MKLN1: variants seen among roughly 807,000 people sequenced by gnomAD.
MKLN1 encodes muskelin 1, also known as muskelin.
A neutral mutation model predicts 99.0 loss-of-function variants in MKLN1; 18 were observed. The observed-to-expected ratio is 0.18, with a 90% CI of 0.13 to 0.27. The LOEUF (loss-of-function observed/expected upper bound fraction) is 0.27, where lower values mean the gene tolerates loss of function less well. Ranked by LOEUF, MKLN1 falls within the 10% of genes least tolerant of loss-of-function variation. The pLI is 1.00. For missense variants in MKLN1, 621 were observed against 875.9 expected (o/e 0.71, Z 3.67); for synonymous variants, 288 against 293.2 (o/e 0.98, Z 0.18).
intron 4 of MKLN1, among the ~76,000 whole-genome samples, chr7:131,396,139 G>A (rs902156358): frequency 6.6e-6 from 1 of 151,892 alleles, no homozygotes; most frequent in African/African-American, 2.4e-5. Context: ...GTGGTGTCAT[G>A]GCAGCTCACT....
chr7:131,277,653 C>T (rs1405732967), intron 3 of MKLN1, among the ~76,000 whole-genome samples: 1 of 152,078 alleles, frequency 6.6e-6, no homozygotes, highest in Non-Finnish European at 1.5e-5. Flanking sequence ...TGACCTCAAG[C>T]GATCCACCCA....
At chr7:131,373,078 A>T (rs1793518635) in intron 1 of MKLN1, among the ~76,000 whole-genome samples, 1 of 151,982 alleles carries the variant, frequency 6.6e-6, no homozygotes, top group Non-Finnish European at 1.5e-5. Flanking sequence ...TATTTAAAGG[A>T]TGTACATATT....
At chr7:131,184,185 T>A (rs1796415705) in intron 2 of MKLN1, among the ~76,000 whole-genome samples, 1 of 152,092 alleles carries the variant, frequency 6.6e-6, no homozygotes, top group African/African-American at 2.4e-5. Context: ...TTCACAGGCA[T>A]GATCACAGGC....
chr7:131,164,733 T>C (rs1434305224), intron 2 of MKLN1, among the ~76,000 whole-genome samples: 3 of 152,174 alleles, frequency 2.0e-5, no homozygotes, highest in African/African-American at 7.2e-5. Context: ...TCAGATGAGA[T>C]GACAATGAAT....
At chr7:131,330,445 A>C (rs1799038244) in intron 1 of MKLN1, among the ~76,000 whole-genome samples, 1 of 152,178 alleles carries the variant, frequency 6.6e-6, no homozygotes, top group African/African-American at 2.4e-5. Flanking sequence ...AAGTGTATCA[A>C]CTCATTTAAT....
intron 2 of MKLN1, among the ~76,000 whole-genome samples, chr7:131,191,832 G>C (rs760416257): frequency 6.7e-6 from 1 of 148,846 alleles, no homozygotes; most frequent in Non-Finnish European, 1.5e-5. Flanking sequence ...TCATGCCTCA[G>C]CCTCTCAAGT....
intron 3 of MKLN1, among the ~76,000 whole-genome samples, chr7:131,276,137 A>G (rs970055810): frequency 1.3e-5 from 2 of 152,248 alleles, no homozygotes; most frequent in African/African-American, 4.8e-5. Context: ...GTCAAACTCC[A>G]CAGGGAAGGA....
At chr7:131,272,054 T>C (rs1485005895) in intron 3 of MKLN1, among the ~76,000 whole-genome samples, 1 of 152,190 alleles carries the variant, frequency 6.6e-6, no homozygotes, top group Non-Finnish European at 1.5e-5. Context: ...AGAAGTGATG[T>C]TGGTCATTGC....
chr7:131,132,947 A>AAAGAAAG (rs1795578747), intron 1 of MKLN1, among the ~76,000 whole-genome samples: 4 of 56,610 alleles, frequency 7.1e-5, no homozygotes, highest in Admixed American at 3.1e-4. Flanking sequence ...AAAAAAAAAA[A>AAAGAAAG]AAAGAAAGAA....
chr7:131,368,714 G>A (rs1800254868), intron 1 of MKLN1, among the ~76,000 whole-genome samples: 1 of 152,118 alleles, frequency 6.6e-6, no homozygotes, highest in South Asian at 2.1e-4. Context: ...AATTCAACAT[G>A]AGATTTGGGC....
rs569183239 is a variant in MKLN1, at chr7:131,116,033, C to T, written c.-419+5826C>T. On this transcript the variant is annotated intron_variant, in intron 1 of 7. Transcript: ENST00000416992. ...AAAAAATATTAATTAGGGCCGGGCA[C>T]GGTGGCTCACGCCTGTAATCCCAGC... Among the ~76,000 whole-genome samples, 107 of 152,216 alleles carry T rather than the reference C, an allele frequency of 7.0e-4. 1 individual carries two copies. The highest frequency in any genetic ancestry group is 1.4e-3 in the African/African-American group (60 of 41,518).
upstream of MKLN1, chr7:131,323,625 T>G (rs1798828549): frequency 1.3e-5 from 2 of 152,200 alleles, no homozygotes; most frequent in Non-Finnish European, 2.9e-5. Context: ...CCAGCAGGTA[T>G]TTCTAAAAAG....
At chr7:131,410,555 G>A (rs1794844644) in intron 6 of MKLN1, among the ~76,000 whole-genome samples, 1 of 152,048 alleles carries the variant, frequency 6.6e-6, no homozygotes, top group African/African-American at 2.4e-5. Context: ...ATGTATCAAG[G>A]ACCTAGACCA....
At chr7:131,225,027 C>T (rs368492453) in intron 3 of MKLN1, among the ~76,000 whole-genome samples, 1 of 150,250 alleles carries the variant, frequency 6.7e-6, no homozygotes. Flanking sequence ...GAGCCAAGAT[C>T]GTGCCACTGC....
intron 1 of MKLN1, among the ~76,000 whole-genome samples, chr7:131,134,725 A>G (rs1795622032): frequency 6.6e-6 from 1 of 152,184 alleles, no homozygotes; most frequent in South Asian, 2.1e-4. Flanking sequence ...CACTGCTGCT[A>G]TGGTGACTCA....
In MKLN1 at chr7:131,432,328, T is replaced by C. The variant is rs1795547888; in HGVS notation, c.960+3183T>C. On this transcript the variant is annotated intron_variant, in intron 9 of 17. Coordinates refer to ENST00000352689, the MANE Select transcript of MKLN1 (RefSeq NM_013255.5). Reference sequence around the variant, plus strand: ...GTATGGGTAGATAACTTCATTCCGTTATTTTTTTATACCATATACATATGT... The same window carrying C: ...GTATGGGTAGATAACTTCATTCCGTCATTTTTTTATACCATATACATATGT... 2.0e-5 allele frequency among the ~76,000 whole-genome samples: 3 copies of C among 152,360 alleles called. No individual in the cohort carries two copies. The South Asian group carries it at 6.2e-4, about 32-fold the overall frequency.
intron 3 of MKLN1, among the ~76,000 whole-genome samples, chr7:131,245,303 C>G (rs1385659511): frequency 7.1e-6 from 1 of 140,504 alleles, no homozygotes; most frequent in East Asian, 2.1e-4. Flanking sequence ...GAGTCTCGCT[C>G]TGTTGCCCAG....
At chr7:131,294,852 T>C (rs889324548) in intron 3 of MKLN1, among the ~76,000 whole-genome samples, 10 of 152,196 alleles carry the variant, frequency 6.6e-5, no homozygotes, top group Non-Finnish European at 1.5e-4. Context: ...ATGATAAGGC[T>C]GCTCTCACAC....
chr7:131,459,313 CAGAA>C (rs1010196690), intron 12 of MKLN1, among the ~76,000 whole-genome samples: 9 of 152,252 alleles, frequency 5.9e-5, no homozygotes, highest in African/African-American at 2.2e-4. Flanking sequence ...AGCTCCTAGA[CAGAA>C]AGGCAGAGGA....
Sources: gnomAD v4.1 joint callset for allele counts (sites outside exome capture counted in the v4.1 genomes callset) on GRCh38, gnomAD v4.1.1 for gene constraint, MANE v1.5 for transcripts, NCBI Gene and HGNC (gene_info 2026-07-23, HGNC 2026-07-21) for gene names.